Variants in FRMPD4 observed in about 807,000 individuals in gnomAD.
FRMPD4 encodes FERM and PDZ domain containing 4.
FRMPD4 carries 22 observed loss-of-function variants against 94.1 expected under a neutral mutation model. The observed-to-expected ratio is 0.23, with a 90% CI of 0.17 to 0.33. The LOEUF is 0.33. Ranked by LOEUF, FRMPD4 falls within the 10% of genes least tolerant of loss-of-function variation. The probability of loss-of-function intolerance (pLI) is 1.00; values close to 1 mark genes in which losing one functional copy is unlikely to be tolerated. For synonymous variants in FRMPD4, 631 were observed against 548.6 expected, an observed-to-expected ratio of 1.15 and a Z score of -2.10; for missense variants, 1,111 against 1,339.9, an observed-to-expected ratio of 0.83 and a Z score of 2.67.
chrX:12,506,954 G>A (rs1332266374), intron 2 of FRMPD4, among the ~76,000 whole-genome samples: 3 of 112,121 alleles, frequency 2.7e-5, no homozygotes, highest in African/African-American at 6.5e-5. Context: ...CACTGTAAGT[G>A]GTTGGCTAAT....
At chrX:12,256,598 G>T (rs901061532) in intron 1 of FRMPD4, among the ~76,000 whole-genome samples, 6 of 111,895 alleles carry the variant, frequency 5.4e-5, no homozygotes, top group Non-Finnish European at 9.4e-5. Context: ...AGTCAGGCCT[G>T]TTCATAAAGT....
chrX:12,674,278 T>C (rs1265674289), intron 4 of FRMPD4, among the ~76,000 whole-genome samples: 2 of 111,730 alleles, frequency 1.8e-5, no homozygotes, highest in East Asian at 5.6e-4. Flanking sequence ...GGTCCTAGCA[T>C]TGTGACCAGG....
intron 1 of FRMPD4, among the ~76,000 whole-genome samples, chrX:11,859,998 A>G (rs1017464675): frequency 1.8e-5 from 2 of 111,834 alleles, no homozygotes; most frequent in African/African-American, 6.5e-5. Flanking sequence ...TGTCACTTCT[A>G]CTAACTTTGT....
chrX:12,361,683 A>T (rs1385210687), intron 1 of FRMPD4, among the ~76,000 whole-genome samples: 1 of 112,159 alleles, frequency 8.9e-6, no homozygotes, highest in African/African-American at 3.2e-5. Context: ...ATATATTTGA[A>T]TATATATTTC....
At chrX:12,417,051 G>A (rs1361591663) in intron 1 of FRMPD4, among the ~76,000 whole-genome samples, 1 of 111,078 alleles carries the variant, frequency 9.0e-6, no homozygotes, top group East Asian at 2.8e-4. Context: ...CCTCTTCCGG[G>A]AGGGCGTGTC....
At chrX:11,974,103 A>G (rs765189853) in intron 3 of FRMPD4, among the ~76,000 whole-genome samples, 15 of 111,792 alleles carry the variant, frequency 1.3e-4, no homozygotes, top group Middle Eastern at 4.6e-3. Context: ...AGGAGATAGG[A>G]AACAGCTAAG....
intron 7 of FRMPD4, among the ~76,000 whole-genome samples, chrX:12,687,130 A>G (rs1308224946): frequency 1.8e-5 from 2 of 112,008 alleles, no homozygotes; most frequent in Non-Finnish European, 3.8e-5. Context: ...GCATTTCTGC[A>G]AAGACCCATT....
At chrX:12,541,141 A>G (rs1413368149) in intron 2 of FRMPD4, among the ~76,000 whole-genome samples, 1 of 112,400 alleles carries the variant, frequency 8.9e-6, no homozygotes, top group Non-Finnish European at 1.9e-5. Context: ...AAAGCAGGGA[A>G]GATCTAAAAT....
intron 1 of FRMPD4, among the ~76,000 whole-genome samples, chrX:12,446,756 C>T (rs772392900): frequency 7.1e-5 from 8 of 112,044 alleles, no homozygotes; most frequent in Non-Finnish European, 1.5e-4. Context: ...CATTAAACCT[C>T]CTTTTGTCTA....
chrX:12,084,365 C>T (rs994049182), intron 3 of FRMPD4, among the ~76,000 whole-genome samples: 1 of 111,248 alleles, frequency 9.0e-6, no homozygotes, highest in African/African-American at 3.3e-5. Context: ...GCCTCCCCAG[C>T]CATGTGGAAC....
intron 1 of FRMPD4, among the ~76,000 whole-genome samples, chrX:12,179,274 C>T (rs182362661): frequency 6.6e-4 from 73 of 110,917 alleles, no homozygotes; most frequent in African/African-American, 2.4e-3. Context: ...TCATTCCAGC[C>T]ACATTCTATT....
intron 3 of FRMPD4, among the ~76,000 whole-genome samples, chrX:12,035,645 G>A (rs1308162285): frequency 9.0e-6 from 1 of 111,166 alleles, no homozygotes. Flanking sequence ...CTTGATATTT[G>A]GTAAAATGGT....
intron 3 of FRMPD4, among the ~76,000 whole-genome samples, chrX:11,899,328 C>T (rs1239160020): frequency 9.1e-6 from 1 of 109,579 alleles, no homozygotes; most frequent in Non-Finnish European, 1.9e-5. Flanking sequence ...CAGACTAAAA[C>T]CTGACATCAA....
chrX:12,129,639 C>G (rs1341852384), intron 3 of FRMPD4, among the ~76,000 whole-genome samples: 2 of 111,942 alleles, frequency 1.8e-5, no homozygotes. Context: ...ATAGTTTGCT[C>G]AGACCCATGG....
rs749609904 is a variant in FRMPD4 at position 12,673,225 on chromosome X, T to G, written c.423-1638T>G. 1.2e-4 allele frequency among the ~76,000 whole-genome samples: 13 copies of G among 112,430 alleles called. No homozygotes were observed. In the South Asian group the frequency reaches 4.9e-3, roughly 42 times the overall value. On this transcript the variant is annotated intron_variant, in intron 4 of 16. Transcript: ENST00000675598. ...ACATGGCTACCACGCTCACACATTC[T>G]TTGGTCAATGGGGTTATAGAGCATT...
chrX:12,657,931 C>T (rs1190871156), intron 4 of FRMPD4, among the ~76,000 whole-genome samples: 1 of 112,090 alleles, frequency 8.9e-6, no homozygotes, highest in Non-Finnish European at 1.9e-5. Flanking sequence ...CTTTGCTCTT[C>T]TATCCTGTAC....
chrX:11,921,845 T>A (rs4830752), intron 3 of FRMPD4, among the ~76,000 whole-genome samples: 39,752 of 111,296 alleles, frequency 0.36, 5,555 homozygotes, highest in East Asian at 0.82. Flanking sequence ...ACACCTAGTA[T>A]CATAAAAATT....
At chrX:11,877,545 A>G (rs1429231218) in intron 2 of FRMPD4, among the ~76,000 whole-genome samples, 1 of 112,268 alleles carries the variant, frequency 8.9e-6, no homozygotes, top group African/African-American at 3.2e-5. Flanking sequence ...ACAGAACTGC[A>G]GTCAGAGATC....
chrX:11,854,690 C>T lies in FRMPD4; in HGVS notation c.-160-10396C>T, dbSNP rs1383123167. On this transcript the variant is annotated intron_variant, in intron 1 of 18. Coordinates refer to the FRMPD4 transcript ENST00000640291. The stretch of plus-strand genomic sequence containing the variant: ...CTCCTTTGACTCCATATCTCACATC[C>T]AGGTCATGCTGATGTAAATGTGGGC... Among the ~76,000 whole-genome samples the T allele has an allele frequency of 5.3e-5, 6 of 112,723 alleles. No homozygotes were observed. In the East Asian group the frequency reaches 1.7e-3, roughly 32 times the overall value.
Sources: allele counts gnomAD v4.1 joint callset (sites outside exome capture counted in the v4.1 genomes callset), GRCh38; gene constraint gnomAD v4.1.1; transcripts MANE v1.5; gene names NCBI Gene and HGNC (gene_info 2026-07-23, HGNC 2026-07-21).